Variants in ONECUT1 observed in about 807,000 individuals in gnomAD.
ONECUT1 encodes the protein hepatocyte nuclear factor 6.
ONECUT1 carries 12 observed loss-of-function variants against 25.6 expected under a neutral mutation model. The ratio of observed to expected loss-of-function variants is 0.47; its 90% CI spans 0.30 to 0.76. ONECUT1 has a LOEUF of 0.76. Ranked by LOEUF, ONECUT1 falls within the 30% of genes least tolerant of loss-of-function variation. The pLI, the probability that ONECUT1 is intolerant of heterozygous loss-of-function variation, is 0.07. For missense variants in ONECUT1, 620 were observed against 651.2 expected (o/e 0.95, Z 0.52); for synonymous variants, 285 against 270.2 (o/e 1.05, Z -0.54).
rs1329751660 is a variant in ONECUT1, at chr15:52,784,098, C to A, written c.1105+4682G>T. Among the ~76,000 whole-genome samples the A allele has an allele frequency of 6.6e-6, 1 of 152,202 alleles. No homozygotes were observed. Among genetic ancestry groups the A allele is most frequent in the Admixed American group, 6.5e-5 (1 of 15,286 alleles). ...GCCCCGACGGCCCGCAGGGGGCGCG[C>A]GCCGCAGCCGCAGCACAGCCCGGCT... On this transcript the variant is annotated intron_variant, in intron 1 of 1. Transcript: ENST00000305901. The surrounding 1 kb of genome is among the most constrained non-coding windows in gnomAD (Gnocchi z 5.0).
At chr15:52,783,939 TCA>T (rs2083857539) in intron 1 of ONECUT1, among the ~76,000 whole-genome samples, 1 of 152,252 alleles carries the variant, frequency 6.6e-6, no homozygotes, top group Non-Finnish European at 1.5e-5. Context: ...TCTTCCTCCT[TCA>T]CACTTTCTTC....
chr15:52,757,430 T>C lies in ONECUT1; in HGVS notation c.*125A>G. On this transcript the variant is annotated 3_prime_UTR_variant, in exon 2 of 2. Transcript: ENST00000305901. Reference sequence around the variant, plus strand: ...CTAAGTCTTTGGTTTCTTTGGACTATAAATAACGCTTTTTTTTCTTCAAAT... The same window carrying C: ...CTAAGTCTTTGGTTTCTTTGGACTACAAATAACGCTTTTTTTTCTTCAAAT... The C allele has an allele frequency of 1.8e-6, 2 of 1,140,564 alleles. No individual in the cohort carries two copies. The highest frequency in any genetic ancestry group is 2.5e-6 in the Non-Finnish European group (2 of 812,168). The allele number at this position is 1,140,564 out of a possible 1,614,324, so 70.7% of individuals were successfully genotyped here.
At position 52,790,101 on chromosome 15, in the gene ONECUT1, T is replaced by C. The variant is rs1290244535; in HGVS notation, c.-217A>G. 1.7e-6 allele frequency: 1 copy of C among 578,020 alleles called. No homozygotes were observed. Among genetic ancestry groups the C allele is most frequent in the Non-Finnish European group, 2.6e-6 (1 of 391,050 alleles). 35.8% of individuals were successfully genotyped at this position (578,020 alleles called of 1,614,324 possible). ...TGTGTGTGTGTCTCGCCTTCCCTCT[T>C]ACCCCCCACCTTCCCCTCTGCGTCC... On this transcript the variant is annotated 5_prime_UTR_variant, in exon 1 of 2. Transcript: ENST00000305901.
chr15:52,763,968 C>T (rs1187626916), intron 1 of ONECUT1, among the ~76,000 whole-genome samples: 1 of 152,216 alleles, frequency 6.6e-6, no homozygotes, highest in Admixed American at 6.5e-5. Context: ...GCTAGTCCTT[C>T]ACTACCTAGA....
chr15:52,776,047 G>C (rs1040791774), intron 1 of ONECUT1, among the ~76,000 whole-genome samples: 4 of 152,188 alleles, frequency 2.6e-5, no homozygotes, highest in Admixed American at 2.6e-4. Context: ...TGGAATGTGA[G>C]TAACCATCAC....
rs1031569225 is a variant in ONECUT1 at position 52,772,184 on chromosome 15, G to A, written c.1106-14337C>T. ...CCGAGGCGGGTGGATCATGAGGTCAGGAGATCGAGACCATCCTGGCTAACA... is the reference window on the plus strand; with the variant it reads ...CCGAGGCGGGTGGATCATGAGGTCAAGAGATCGAGACCATCCTGGCTAACA... On this transcript the variant is annotated intron_variant, in intron 1 of 1. Transcript: ENST00000305901. Among the ~76,000 whole-genome samples the A allele has an allele frequency of 4.6e-5, 7 of 152,206 alleles. No individual in the cohort carries two copies. The South Asian group carries it at 1.5e-3, about 32-fold the overall frequency.
chr15:52,782,792 G>C (rs2083849708), intron 1 of ONECUT1, among the ~76,000 whole-genome samples: 1 of 152,016 alleles, frequency 6.6e-6, no homozygotes, highest in Non-Finnish European at 1.5e-5. Flanking sequence ...AACCATCAAG[G>C]CTCCTAGATT....
rs562566493 is a variant in ONECUT1 at position 52,790,196 on chromosome 15, C to G, written c.-312G>C. ...CCGTTGGGAGAGCGCAGTGCCCCAG[C>G]CCGCCCGCCTCGGCCACCTCTCGCC... On this transcript the variant is annotated 5_prime_UTR_variant, in exon 1 of 2. Transcript: ENST00000305901. 0.014 allele frequency among the ~76,000 whole-genome samples: 2,047 copies of G among 151,340 alleles called. 44 individuals are homozygous for G. Among genetic ancestry groups the G allele is most frequent in the African/African-American group, 0.047 (1,934 of 41,296 alleles).
chr15:52,774,692 TA>T (rs1202707230), intron 1 of ONECUT1, among the ~76,000 whole-genome samples: 8 of 152,176 alleles, frequency 5.3e-5, no homozygotes, highest in African/African-American at 1.7e-4. Flanking sequence ...AAACAAATGT[TA>T]AAAAAAATTT....
chr15:52,779,636 C>T (rs974263402), intron 1 of ONECUT1, among the ~76,000 whole-genome samples: 1 of 152,146 alleles, frequency 6.6e-6, no homozygotes, highest in Non-Finnish European at 1.5e-5. Context: ...ATACTAGGTG[C>T]CTCCTTAAAA....
At position 52,788,973 on chromosome 15, in the gene ONECUT1, C is replaced by G. The variant is rs201862272; in HGVS notation, c.912G>C (p.Glu304Asp). ...TKEVAQRITT[E>D]LKRYSIPQAI... is the part of the protein sequence containing the mutation. ...CCTGTGGGATGCTGTAGCGCTTGAG[C>G]TCGGTGGTGATACGCTGCGCCACCT... is the stretch of plus-strand genomic sequence containing the variant. Residue 304 changes from glutamate to aspartate, a missense_variant, in exon 1 of 2, where the codon GAG becomes GAC. Glu to Asp is a conservative substitution (Grantham distance 45). Transcript: ENST00000305901. This position sits in a 1 kb window ranked among gnomAD's most constrained non-coding sequence, Gnocchi z 4.3. 10 of 1,612,966 alleles carry G rather than the reference C, an allele frequency of 6.2e-6. No homozygotes were observed. Among genetic ancestry groups the G allele is most frequent in the East Asian group, 4.5e-5 (2 of 44,882 alleles).
rs2083897214 is a variant in ONECUT1, at chr15:52,789,083, C to A, written c.802G>T (p.Ala268Ser). The change falls in exon 1 of 2, where the codon GCC becomes TCC. Residue 268 changes from alanine to serine, a missense_variant. By Grantham distance (99) the Ala-to-Ser change is moderately conservative. Transcript: ENST00000305901. This position sits in a 1 kb window ranked among gnomAD's most constrained non-coding sequence, Gnocchi z 4.1. ...AQGHGQLLGT[A>S]REPNPSVTGA... ...GTCACCGAAGGGTTGGGCTCCCGGG[C>A]TGTGCCCAGGAGTTGCCCGTGGCCC... is the stretch of plus-strand genomic sequence containing the variant. 5 of 1,601,968 alleles carry A rather than the reference C, an allele frequency of 3.1e-6. No homozygotes were observed. The highest frequency in any genetic ancestry group is 4.2e-6 in the Non-Finnish European group (5 of 1,179,964).
chr15:52,777,310 T>G (rs1371102139), intron 1 of ONECUT1, among the ~76,000 whole-genome samples: 1 of 152,098 alleles, frequency 6.6e-6, no homozygotes, highest in African/African-American at 2.4e-5. Context: ...CCACTTGAAT[T>G]TATATTAGAA....
intron 1 of ONECUT1, among the ~76,000 whole-genome samples, chr15:52,762,977 CAGAGAGAG>C (rs138699375): frequency 6.7e-6 from 1 of 149,296 alleles, no homozygotes; most frequent in Non-Finnish European, 1.5e-5. Flanking sequence ...GCAAGATAGA[CAGAGAGAG>C]AGAGAGAGAG....
intron 1 of ONECUT1, among the ~76,000 whole-genome samples, chr15:52,767,031 C>T (rs543256073): frequency 1.3e-5 from 2 of 152,276 alleles, no homozygotes; most frequent in South Asian, 4.2e-4. Flanking sequence ...ATTCATGAGT[C>T]ACCTTACCAG....
intron 1 of ONECUT1, among the ~76,000 whole-genome samples, chr15:52,775,575 A>T (rs1296313787): frequency 2.0e-5 from 3 of 152,000 alleles, no homozygotes; most frequent in African/African-American, 7.2e-5. Context: ...GGACTTGGGG[A>T]CTTAGGGAAT....
In ONECUT1 at chr15:52,789,528, C is replaced by G. The variant is rs761297829; in HGVS notation, c.357G>C (p.Ser119=). Residue 119 remains serine (S), a synonymous_variant, in exon 1 of 2, where the codon TCG becomes TCC. Coordinates refer to ENST00000305901, the MANE Select transcript of ONECUT1 (RefSeq NM_004498.4). This position sits in a 1 kb window ranked among gnomAD's most constrained non-coding sequence, Gnocchi z 4.1. ...GGTGGTGATGGTGGGGGAACTTGTC[C>G]GAGACTGTGGAGATGGGAGGCAGCG... ...LQPLPPISTV[S]DKFPHHHHHH... 10 of 1,606,450 alleles carry G rather than the reference C, an allele frequency of 6.2e-6. No individual in the cohort carries two copies. Among genetic ancestry groups the G allele is most frequent in the Non-Finnish European group, 8.5e-6 (10 of 1,176,366 alleles).
chr15:52,764,216 T>G (rs1175764848), intron 1 of ONECUT1, among the ~76,000 whole-genome samples: 7 of 152,160 alleles, frequency 4.6e-5, no homozygotes, highest in African/African-American at 1.2e-4. Context: ...TAAAGCCAAA[T>G]GAACTTATGA....
At chr15:52,765,491 G>A (rs1384374155) in intron 1 of ONECUT1, among the ~76,000 whole-genome samples, 1 of 152,222 alleles carries the variant, frequency 6.6e-6, no homozygotes, top group African/African-American at 2.4e-5. Flanking sequence ...TCTCTTGTCA[G>A]CTGAAGCTGT....
Sources: allele counts gnomAD v4.1 joint callset (sites outside exome capture counted in the v4.1 genomes callset), GRCh38; gene constraint gnomAD v4.1.1; non-coding constraint Gnocchi (gnomAD v3.1); transcripts MANE v1.5; gene names NCBI Gene and HGNC (gene_info 2026-07-23, HGNC 2026-07-21).